GRIK2: variants seen among roughly 807,000 people sequenced by gnomAD.
GRIK2 encodes glutamate ionotropic receptor kainate type subunit 2.
A neutral mutation model predicts 100.3 loss-of-function variants in GRIK2; 32 were observed. The observed-to-expected ratio is 0.32, with a 90% confidence interval of 0.24 to 0.43. The LOEUF is 0.43. Ranked by LOEUF, GRIK2 falls within the 20% of genes least tolerant of loss-of-function variation. The pLI is 1.00. For missense variants in GRIK2, 843 were observed against 1,114.9 expected (o/e 0.76, Z 3.47); for synonymous variants, 417 against 389.4 (o/e 1.07, Z -0.83).
At chr6:102,024,046 T>G (rs555264301) in intron 14 of GRIK2, among the ~76,000 whole-genome samples, 2 of 151,224 alleles carry the variant, frequency 1.3e-5, no homozygotes, top group African/African-American at 4.8e-5. Flanking sequence ...GCAGGAAAGT[T>G]GAGTAATTCA....
rs1781648575 is a variant in GRIK2 at position 101,648,776 on chromosome 6, C to CAA, written c.541+22139_541+22140insAA. Among the ~76,000 whole-genome samples, 6 of 151,888 alleles carry CAA rather than the reference C, an allele frequency of 4.0e-5. No individual in the cohort carries two copies. In the South Asian group the frequency reaches 1.2e-3, roughly 31 times the overall value. On this transcript the variant is annotated intron_variant, in intron 4 of 16. Coordinates refer to ENST00000369134, the MANE Select transcript of GRIK2 (RefSeq NM_021956.5). ...AAGAAACTATATGTATTAGTCTGTT[C>CAA]TCATACTGCTAATAAAAAGATACCT... is the stretch of plus-strand genomic sequence containing the variant.
intron 10 of GRIK2, among the ~76,000 whole-genome samples, chr6:101,833,011 A>G (rs889029894): frequency 6.6e-6 from 1 of 152,328 alleles, no homozygotes; most frequent in Non-Finnish European, 1.5e-5. Flanking sequence ...TCAATAGAAT[A>G]CACAAATAGA....
rs144735620 is a variant in GRIK2 at position 102,035,146 on chromosome 6, C to T, written c.2086-195C>T. Among the ~76,000 whole-genome samples the T allele has an allele frequency of 7.4e-3, 1,104 of 148,474 alleles. 15 individuals are homozygous for T. Among genetic ancestry groups the T allele is most frequent in the African/African-American group, 0.025 (992 of 40,356 alleles). Reference sequence around the variant, plus strand: ...ATCTATACTATACCTAGAAATATGACGAGAAATTGCTATGAGACAGTCATT... The same window carrying T: ...ATCTATACTATACCTAGAAATATGATGAGAAATTGCTATGAGACAGTCATT... On this transcript the variant is annotated intron_variant, in intron 14 of 16. Coordinates refer to ENST00000369134, the MANE Select transcript of GRIK2 (RefSeq NM_021956.5).
At chr6:101,573,343 C>T (rs1339123448) in intron 2 of GRIK2, among the ~76,000 whole-genome samples, 2 of 152,128 alleles carry the variant, frequency 1.3e-5, no homozygotes, top group African/African-American at 4.8e-5. Context: ...ATAGATTGCT[C>T]AGGAGCAGAT....
intron 2 of GRIK2, among the ~76,000 whole-genome samples, chr6:101,482,093 G>A (rs1031456707): frequency 1.3e-5 from 2 of 152,084 alleles, no homozygotes; most frequent in South Asian, 2.1e-4. Flanking sequence ...TCTTTATAGC[G>A]GTGTGAAAAT....
chr6:101,461,498 C>G (rs945800690), intron 2 of GRIK2, among the ~76,000 whole-genome samples: 1 of 152,152 alleles, frequency 6.6e-6, no homozygotes, highest in African/African-American at 2.4e-5. Flanking sequence ...CCAATAGTGG[C>G]CAGTCTAGTT....
intron 7 of GRIK2, among the ~76,000 whole-genome samples, chr6:101,722,108 ATTG>A (rs1774525605): frequency 6.6e-6 from 1 of 152,090 alleles, no homozygotes; most frequent in South Asian, 2.1e-4. Context: ...TGGTTTTATA[ATTG>A]TTATTATTCA....
At chr6:101,815,620 T>TAAAA (rs3995810) in intron 9 of GRIK2, among the ~76,000 whole-genome samples, 1 of 142,130 alleles carries the variant, frequency 7.0e-6, no homozygotes, top group African/African-American at 2.5e-5. Flanking sequence ...GTTTCAGAGC[T>TAAAA]AAAAAAAAAA....
chr6:101,395,358 T>C (rs908665040), intron 1 of GRIK2, among the ~76,000 whole-genome samples: 1 of 152,256 alleles, frequency 6.6e-6, no homozygotes, highest in East Asian at 1.9e-4. Context: ...TCAAGTGGAA[T>C]CCTTAGTAAG....
chr6:101,799,422 G>T (rs946442900), intron 7 of GRIK2, among the ~76,000 whole-genome samples: 1 of 152,014 alleles, frequency 6.6e-6, no homozygotes, highest in Non-Finnish European at 1.5e-5. Flanking sequence ...GTTATTTCAG[G>T]AAAAGGAGGG....
chr6:101,595,163 A>G (rs917286453), intron 2 of GRIK2, among the ~76,000 whole-genome samples: 15 of 151,688 alleles, frequency 9.9e-5, no homozygotes, highest in African/African-American at 3.6e-4. Context: ...GAAAACCAAA[A>G]GGAATAAAAA....
At chr6:101,799,593 C>T in intron 7 of GRIK2, 55 bp from the exon 8 acceptor site, 2 of 1,437,624 alleles carry the variant, frequency 1.4e-6, no homozygotes, top group Non-Finnish European at 2.0e-6. Context: ...AAACCATCTA[C>T]CACAAGTTCT....
chr6:101,807,998 T>C (rs1781111545), intron 9 of GRIK2, among the ~76,000 whole-genome samples: 1 of 152,050 alleles, frequency 6.6e-6, no homozygotes, highest in Non-Finnish European at 1.5e-5. Flanking sequence ...AAATTGTTTT[T>C]TTGGTTTGTT....
At chr6:102,038,987 T>TGAGTC (rs1770426278) in intron 15 of GRIK2, among the ~76,000 whole-genome samples, 1 of 151,390 alleles carries the variant, frequency 6.6e-6, no homozygotes, top group African/African-American at 2.4e-5. Flanking sequence ...GGAAATATTA[T>TGAGTC]GAGTCTTTTT....
chr6:101,820,389 A>C (rs1207237109), intron 10 of GRIK2, among the ~76,000 whole-genome samples: 1 of 152,130 alleles, frequency 6.6e-6, no homozygotes, highest in African/African-American at 2.4e-5. Flanking sequence ...TGATCTAGCC[A>C]AATTCCTCAA....
intron 7 of GRIK2, among the ~76,000 whole-genome samples, chr6:101,788,780 C>G (rs529108547): frequency 1.6e-3 from 238 of 152,220 alleles, no homozygotes; most frequent in Middle Eastern, 3.4e-3. Flanking sequence ...CCTGAGGAAT[C>G]GCCACACTGA....
At chr6:101,454,144 C>T (rs1336119352) in intron 2 of GRIK2, among the ~76,000 whole-genome samples, 1 of 152,056 alleles carries the variant, frequency 6.6e-6, no homozygotes, top group African/African-American at 2.4e-5. Flanking sequence ...TTTTCTTTTT[C>T]TTCCTCCTTA....
At chr6:102,015,211 T>TTA (rs1554192174) in intron 14 of GRIK2, among the ~76,000 whole-genome samples, 2 of 151,796 alleles carry the variant, frequency 1.3e-5, no homozygotes, top group African/African-American at 4.9e-5. Context: ...CTTTTTTTTT[T>TTA]ATCTTTGTTG....
intron 9 of GRIK2, among the ~76,000 whole-genome samples, chr6:101,808,778 A>C (rs992102350): frequency 6.6e-6 from 1 of 151,958 alleles, no homozygotes; most frequent in African/African-American, 2.4e-5. Flanking sequence ...GAAAGGATAA[A>C]ACTGATAAAT....
Sources: gnomAD v4.1 joint callset for allele counts (sites outside exome capture counted in the v4.1 genomes callset) on GRCh38, gnomAD v4.1.1 for gene constraint, MANE v1.5 for transcripts, NCBI Gene and HGNC (gene_info 2026-07-23, HGNC 2026-07-21) for gene names.